The following LRBA variants were observed in gnomAD, a reference collection of about 807,000 sequenced individuals.
LRBA encodes the protein lipopolysaccharide-responsive and beige-like anchor protein.
In LRBA, 176 loss-of-function variants were observed where a neutral mutation model predicts 330.0. The observed-to-expected ratio is 0.53, with a 90% CI of 0.47 to 0.60. The LOEUF is 0.60. Ranked by LOEUF, LRBA falls within the 20% of genes least tolerant of loss-of-function variation. The probability of loss-of-function intolerance (pLI) is 0.00; values close to 1 mark genes in which losing one functional copy is unlikely to be tolerated. For missense variants in LRBA, 3,259 were observed against 3,444.8 expected, an observed-to-expected ratio of 0.95 and a Z score of 1.35; for synonymous variants, 1,230 against 1,193.0, an observed-to-expected ratio of 1.03 and a Z score of -0.64.
chr4:150,753,626 T>C (rs1280487661), intron 35 of LRBA, among the ~76,000 whole-genome samples: 1 of 152,202 alleles, frequency 6.6e-6, no homozygotes, highest in Non-Finnish European at 1.5e-5. Flanking sequence ...ACATTTGGTC[T>C]TGGTAAAAAA....
At chr4:150,490,025 G>A (rs1230285840) in intron 41 of LRBA, among the ~76,000 whole-genome samples, 1 of 151,452 alleles carries the variant, frequency 6.6e-6, no homozygotes, top group East Asian at 1.9e-4. Flanking sequence ...GGGACAGCAA[G>A]GATGCGGACT....
At chr4:150,683,462 A>T (rs1033812003) in intron 37 of LRBA, 89 bp downstream of exon 37, 2 of 997,670 alleles carry the variant, frequency 2.0e-6, no homozygotes, top group Non-Finnish European at 3.1e-6. Context: ...TCTCTTCTTC[A>T]TCTGGCTTTG....
At chr4:150,634,452 C>T (rs1777689137) in intron 37 of LRBA, among the ~76,000 whole-genome samples, 1 of 152,014 alleles carries the variant, frequency 6.6e-6, no homozygotes, top group African/African-American at 2.4e-5. Context: ...AGATAAAAGC[C>T]AATTAAATTT....
intron 17 of LRBA, among the ~76,000 whole-genome samples, chr4:150,881,562 G>T (rs1424032162): frequency 6.6e-6 from 1 of 152,132 alleles, no homozygotes; most frequent in Non-Finnish European, 1.5e-5. Flanking sequence ...TAACTATTGA[G>T]TGCTATACTC....
At chr4:150,581,440 AT>A in intron 40 of LRBA, 1 of 360,780 alleles carries the variant, frequency 2.8e-6, no homozygotes, top group Non-Finnish European at 5.5e-6. Context: ...ACCTGGAAAA[AT>A]TAGGTCCTTT....
intron 26 of LRBA, among the ~76,000 whole-genome samples, chr4:150,847,508 A>T (rs1750005403): frequency 6.6e-6 from 1 of 152,208 alleles, no homozygotes; most frequent in Non-Finnish European, 1.5e-5. Context: ...TATGTAACAG[A>T]CATTCTTGCT....
chr4:150,696,281 CA>C, intron 36 of LRBA, among the ~76,000 whole-genome samples: 1 of 152,122 alleles, frequency 6.6e-6, no homozygotes, highest in Middle Eastern at 3.4e-3. Flanking sequence ...GCATGAAAAC[CA>C]GAAAGAAAAT....
In LRBA at chr4:150,274,227, G is replaced by A. The variant is rs557100013; in HGVS notation, c.8468+3626C>T. 4.6e-5 allele frequency among the ~76,000 whole-genome samples: 7 copies of A among 152,186 alleles called. No individual in the cohort carries two copies. In the South Asian group the frequency reaches 8.3e-4, roughly 18 times the overall value. On this transcript the variant is annotated intron_variant, in intron 56 of 56. Transcript: ENST00000651943. ...ATGACTACTGGGCAAATACTGAAATGAAGGCAGAAATAAAGATGTTACTTG... is the reference window on the plus strand; with the variant it reads ...ATGACTACTGGGCAAATACTGAAATAAAGGCAGAAATAAAGATGTTACTTG...
intron 48 of LRBA, among the ~76,000 whole-genome samples, chr4:150,349,610 G>T (rs967762173): frequency 6.6e-6 from 1 of 151,914 alleles, no homozygotes; most frequent in Non-Finnish European, 1.5e-5. Context: ...ATGTTCTTAG[G>T]TATTACATAT....
chr4:150,481,429 T>C (rs1307130094), intron 42 of LRBA, among the ~76,000 whole-genome samples: 3 of 152,136 alleles, frequency 2.0e-5, no homozygotes, highest in Non-Finnish European at 4.4e-5. Context: ...TAATACATTA[T>C]ATTAAATGTA....
chr4:150,874,763 C>T (rs1288113072), intron 17 of LRBA, among the ~76,000 whole-genome samples: 2 of 152,162 alleles, frequency 1.3e-5, no homozygotes, highest in Middle Eastern at 3.2e-3. Context: ...GCTCCATGCC[C>T]AGGCAGATCT....
intron 47 of LRBA, among the ~76,000 whole-genome samples, chr4:150,370,750 G>A (rs1740158429): frequency 6.6e-6 from 1 of 152,152 alleles, no homozygotes; most frequent in Non-Finnish European, 1.5e-5. Flanking sequence ...ATAATATGGT[G>A]TACTGAGATG....
chr4:150,394,040 G>A (rs1315225746), intron 47 of LRBA, among the ~76,000 whole-genome samples: 2 of 152,154 alleles, frequency 1.3e-5, no homozygotes, highest in Admixed American at 6.6e-5. Flanking sequence ...CACATCAACA[G>A]TGTTACCAAT....
rs62344547 is a variant in LRBA at position 150,315,219 on chromosome 4, A to G, written c.7693+342T>C. On this transcript the variant is annotated intron_variant, in intron 51 of 56. Coordinates refer to ENST00000651943, the MANE Select transcript of LRBA (RefSeq NM_001364905.1). ...CACATTACCGGTGCACCAATTCATC[A>G]TAACGTGCCTTGCTCCTGCTCATCA... is the stretch of plus-strand genomic sequence containing the variant. The G allele has an allele frequency of 1.2e-5, 4 of 342,272 alleles. No homozygotes were observed. The Admixed American group carries it at 1.4e-4, about 12-fold the overall frequency. 21.2% of individuals were successfully genotyped at this position (342,272 alleles called of 1,614,324 possible).
At chr4:150,940,073 T>C (rs1287589291) in intron 2 of LRBA, among the ~76,000 whole-genome samples, 1 of 144,700 alleles carries the variant, frequency 6.9e-6, no homozygotes, top group Non-Finnish European at 1.5e-5. Context: ...ATAATAAACT[T>C]AAAAAAAAAA....
intron 4 of LRBA, among the ~76,000 whole-genome samples, chr4:150,925,193 G>C (rs1187402029): frequency 6.6e-6 from 1 of 151,254 alleles, no homozygotes; most frequent in East Asian, 1.9e-4. Context: ...AGAAAAAAAG[G>C]TTTTTATGTG....
intron 40 of LRBA, among the ~76,000 whole-genome samples, chr4:150,576,609 C>T (rs1770581061): frequency 6.6e-6 from 1 of 151,790 alleles, no homozygotes; most frequent in South Asian, 2.1e-4. Flanking sequence ...TATGCAGTTG[C>T]TATTCAACTT....
chr4:150,270,193 C>T (rs1745879094), intron 56 of LRBA, among the ~76,000 whole-genome samples: 2 of 152,128 alleles, frequency 1.3e-5, no homozygotes, highest in Admixed American at 1.3e-4. Flanking sequence ...TGCCATATAA[C>T]CCAGCAATTC....
chr4:150,451,647 A>G (rs1290517437), intron 44 of LRBA, among the ~76,000 whole-genome samples: 1 of 152,186 alleles, frequency 6.6e-6, no homozygotes. Context: ...TTAAGTTACT[A>G]AAAAGGAAGA....
Sources: gnomAD v4.1 joint callset for allele counts (sites outside exome capture counted in the v4.1 genomes callset) on GRCh38, gnomAD v4.1.1 for gene constraint, MANE v1.5 for transcripts, NCBI Gene and HGNC (gene_info 2026-07-23, HGNC 2026-07-21) for gene names.